Variants in FAP observed in about 807,000 individuals in gnomAD.
The protein encoded by FAP is prolyl endopeptidase FAP.
FAP carries 110 observed loss-of-function variants against 126.5 expected under a neutral mutation model. The ratio of observed to expected loss-of-function variants is 0.87; its 90% CI spans 0.74 to 1.02. The LOEUF is 1.02. FAP is among the 50% of genes least tolerant of loss of function. The pLI is 0.00. For synonymous variants in FAP, 334 were observed against 297.3 expected, an observed-to-expected ratio of 1.12 and a Z score of -1.27; for missense variants, 919 against 909.2, an observed-to-expected ratio of 1.01 and a Z score of -0.14.
At chr2:162,241,679 G>GC (rs1690354080) in intron 2 of FAP, among the ~76,000 whole-genome samples, 1 of 152,134 alleles carries the variant, frequency 6.6e-6, no homozygotes, top group Non-Finnish European at 1.5e-5. Flanking sequence ...TGGTATGAGG[G>GC]AAATGTGGCC....
At chr2:162,172,782 A>G (rs1391468980) in intron 25 of FAP, 29 bp downstream of exon 25, 2 of 1,518,656 alleles carry the variant, frequency 1.3e-6, no homozygotes, top group African/African-American at 1.4e-5. Context: ...GTCTAAGGCC[A>G]TGAACATGAG....
intron 2 of FAP, among the ~76,000 whole-genome samples, chr2:162,235,294 G>A (rs1360658442): frequency 6.6e-6 from 1 of 152,232 alleles, no homozygotes; most frequent in African/African-American, 2.4e-5. Context: ...GGGCTGAGGA[G>A]TGCCAGCGCA....
intron 15 of FAP, among the ~76,000 whole-genome samples, chr2:162,199,610 T>A (rs992880392): frequency 3.7e-4 from 56 of 152,314 alleles, no homozygotes; most frequent in Middle Eastern, 3.4e-3. Flanking sequence ...TTAGAGGATG[T>A]CATGCCAGGG....
At chr2:162,198,961 T>A in intron 15 of FAP, 80 bp from the exon 16 acceptor site, 3 of 1,194,784 alleles carry the variant, frequency 2.5e-6, no homozygotes, top group Non-Finnish European at 3.6e-6. Flanking sequence ...GTAAAGTGAC[T>A]AATTTACATA....
At chr2:162,212,713 T>C (rs978968930) in intron 11 of FAP, among the ~76,000 whole-genome samples, 6 of 152,334 alleles carry the variant, frequency 3.9e-5, no homozygotes, top group Admixed American at 3.9e-4. Flanking sequence ...TAAAATATGA[T>C]TATTCTATAT....
At chr2:162,242,511 G>A (rs570750548) in intron 2 of FAP, among the ~76,000 whole-genome samples, 12 of 152,218 alleles carry the variant, frequency 7.9e-5, no homozygotes, top group Admixed American at 7.9e-4. Flanking sequence ...AAAGTCCATA[G>A]ATTCTGTTTT....
chr2:162,236,121 A>G (rs1307664749), intron 2 of FAP, among the ~76,000 whole-genome samples: 1 of 152,204 alleles, frequency 6.6e-6, no homozygotes, highest in Non-Finnish European at 1.5e-5. Flanking sequence ...TTTTCAAATG[A>G]TAAACCAACC....
chr2:162,214,663 G>A (rs1007869330), intron 10 of FAP, among the ~76,000 whole-genome samples: 1 of 150,548 alleles, frequency 6.6e-6, no homozygotes, highest in Admixed American at 6.7e-5. Flanking sequence ...TGAACTAGTA[G>A]GTAGAGAACA....
chr2:162,170,716 T>G lies in FAP; in HGVS notation c.*263A>C. 1 of 361,688 alleles carries G rather than the reference T, an allele frequency of 2.8e-6. No individual in the cohort carries two copies. The highest frequency in any genetic ancestry group is 5.1e-6 in the Non-Finnish European group (1 of 197,612). The allele number at this position is 361,688 out of a possible 1,614,324, so 22.4% of individuals were successfully genotyped here. ...TGAACTTCTGACTTTATTATTTTTCTTCAAATGAACAGGTGATAAAACACT... is the reference window on the plus strand; with the variant it reads ...TGAACTTCTGACTTTATTATTTTTCGTCAAATGAACAGGTGATAAAACACT... On this transcript the variant is annotated 3_prime_UTR_variant, in exon 26 of 26. Transcript: ENST00000188790.
intron 11 of FAP, among the ~76,000 whole-genome samples, chr2:162,210,844 G>A (rs1161758375): frequency 1.3e-5 from 2 of 152,162 alleles, no homozygotes; most frequent in East Asian, 1.9e-4. Context: ...TCATGGCAGT[G>A]AGAATAGAAC....
At chr2:162,226,646 C>A in intron 2 of FAP, 25 bp from the exon 3 acceptor site, 1 of 1,248,778 alleles carries the variant, frequency 8.0e-7, no homozygotes, top group African/African-American at 1.5e-5. Context: ...CAAATACATC[C>A]TTATTAAAAA....
chr2:162,196,190 C>T (rs1688246670), intron 16 of FAP, among the ~76,000 whole-genome samples: 1 of 152,094 alleles, frequency 6.6e-6, no homozygotes, highest in Non-Finnish European at 1.5e-5. Context: ...TTCCAACTAG[C>T]CTTTACAAGT....
At chr2:162,240,966 C>T (rs1209931222) in intron 2 of FAP, among the ~76,000 whole-genome samples, 1 of 152,134 alleles carries the variant, frequency 6.6e-6, no homozygotes, top group Non-Finnish European at 1.5e-5. Flanking sequence ...GCCACCACGC[C>T]TAACTTCAGG....
chr2:162,179,097 C>A (rs1358960822), intron 21 of FAP, among the ~76,000 whole-genome samples: 1 of 152,142 alleles, frequency 6.6e-6, no homozygotes. Flanking sequence ...TCTAAGACAC[C>A]AATACCTTGC....
chr2:162,239,714 A>T (rs1328749250), intron 2 of FAP, among the ~76,000 whole-genome samples: 1 of 152,226 alleles, frequency 6.6e-6, no homozygotes, highest in East Asian at 1.9e-4. Context: ...TAGAAATTTT[A>T]GAAAAAAAAT....
Position 162,242,990 on chromosome 2 carries a change from A to G in FAP, c.9T>C (p.Thr3=), listed in dbSNP as rs1178659520. ...CAACTCCAAATACGATTTTTACCCA[A>G]GTCTACATAAAATAAAGAGAATTAG... MK[T]WVKIVFGVAT... Residue 3 remains threonine (T), a splice_region_variant and synonymous_variant, in exon 2 of 26, where the codon ACT becomes ACC. Coordinates refer to ENST00000188790, the MANE Select transcript of FAP (RefSeq NM_004460.5). The G allele has an allele frequency of 9.9e-6, 16 of 1,610,848 alleles. No homozygotes were observed. Among genetic ancestry groups the G allele is most frequent in the Non-Finnish European group, 1.4e-5 (16 of 1,177,956 alleles).
In FAP at chr2:162,201,538, C is replaced by T. The variant is rs563985068; in HGVS notation, c.1224-919G>A. 4.6e-5 allele frequency among the ~76,000 whole-genome samples: 7 copies of T among 152,272 alleles called. No homozygotes were observed. The South Asian group carries it at 1.5e-3, about 32-fold the overall frequency. On this transcript the variant is annotated intron_variant, in intron 14 of 25. Coordinates refer to ENST00000188790, the MANE Select transcript of FAP (RefSeq NM_004460.5). ...AGGACTCAGGATCTTTCCCCAACAG[C>T]CCCCGGCCACTTCCTTGTTATGTGG...
intron 21 of FAP, among the ~76,000 whole-genome samples, chr2:162,182,752 T>C (rs1356329701): frequency 6.6e-6 from 1 of 152,238 alleles, no homozygotes. Flanking sequence ...ATCTCAACTC[T>C]TTCCAATATT....
chr2:162,225,218 A>G (rs565782930), intron 4 of FAP, among the ~76,000 whole-genome samples: 1 of 152,298 alleles, frequency 6.6e-6, no homozygotes, highest in Non-Finnish European at 1.5e-5. Context: ...TTGAACCTCA[A>G]TTGGCTGACA....
Sources: gnomAD v4.1 joint callset for allele counts (sites outside exome capture counted in the v4.1 genomes callset) on GRCh38, gnomAD v4.1.1 for gene constraint, MANE v1.5 for transcripts, NCBI Gene and HGNC (gene_info 2026-07-23, HGNC 2026-07-21) for gene names.